Variants in IRS1 observed in about 807,000 individuals in gnomAD.
IRS1 encodes insulin receptor substrate 1.
In IRS1, 34 loss-of-function variants were observed where a neutral mutation model predicts 65.6. The observed-to-expected ratio is 0.52, with a 90% confidence interval of 0.39 to 0.69. The LOEUF is 0.69. IRS1 is among the 30% of genes least tolerant of loss of function. IRS1 has a pLI of 0.00. For missense variants in IRS1, 1,641 were observed against 1,720.2 expected (o/e 0.95, Z 0.81); for synonymous variants, 699 against 683.5 (o/e 1.02, Z -0.35).
chr2:226,747,089 C>T (rs140871781), intron 1 of IRS1, among the ~76,000 whole-genome samples: 355 of 152,142 alleles, frequency 2.3e-3, no homozygotes, highest in African/African-American at 8.3e-3. Context: ...CATGCCCAGC[C>T]CTAACAGCAT....
chr2:226,742,734 C>T (rs1174160729), intron 1 of IRS1, among the ~76,000 whole-genome samples: 1 of 139,338 alleles, frequency 7.2e-6, no homozygotes, highest in Admixed American at 7.7e-5. Context: ...AAAAGAAGAC[C>T]GAAAGGCGAC....
chr2:226,797,683 G>T lies in IRS1; in HGVS notation c.1056C>A (p.Asn352Lys). 1.3e-6 allele frequency: 2 copies of T among 1,597,616 alleles called. No individual in the cohort carries two copies. Among genetic ancestry groups the T allele is most frequent in the East Asian group, 2.2e-5 (1 of 44,836 alleles). ...VDGSPVSPSTNRTHAHRHRGS... is the reference protein window; with the variant it reads ...VDGSPVSPSTKRTHAHRHRGS... ...CCCGATGCCGGTGGGCGTGGGTTCT[G>T]TTGGTGCTGGGACTCACAGGGCTGC... Residue 352 changes from asparagine to lysine, a missense_variant, in exon 1 of 2, where the codon AAC (asparagine) becomes AAA (lysine). Asn to Lys is a moderately conservative substitution (Grantham distance 94). This residue lies in a region of IRS1 where 1,324 missense variants were observed against 1,361.0 expected (regional missense o/e 0.97). Coordinates refer to ENST00000305123, the MANE Select transcript of IRS1 (RefSeq NM_005544.3). The surrounding 1 kb of genome is among the most constrained non-coding windows in gnomAD (Gnocchi z 8.1).
intron 1 of IRS1, among the ~76,000 whole-genome samples, chr2:226,739,348 GTCCT>G (rs1216622117): frequency 6.6e-6 from 1 of 152,174 alleles, no homozygotes; most frequent in Non-Finnish European, 1.5e-5. Context: ...AGTGAGAACT[GTCCT>G]TCACAACAGC....
Position 226,799,099 on chromosome 2 carries a change from GGGA to G in IRS1, c.-364_-362del, listed in dbSNP as rs1559160662. 9 of 1,205,968 alleles carry G rather than the reference GGGA, an allele frequency of 7.5e-6. No individual in the cohort carries two copies. The allele number at this position is 1,205,968 out of a possible 1,614,324, so 74.7% of individuals were successfully genotyped here. ...GTCGCCCCGGCTGGAGTCCGGCACA[GGGA>G]GGCGACAGTCGGGGGTCCCTGCGGT... On this transcript the variant is annotated 5_prime_UTR_variant, in exon 1 of 2. Coordinates refer to ENST00000305123, the MANE Select transcript of IRS1 (RefSeq NM_005544.3). This position sits in a 1 kb window ranked among gnomAD's most constrained non-coding sequence, Gnocchi z 6.1.
At chr2:226,791,377 G>A (rs367650127) in intron 1 of IRS1, among the ~76,000 whole-genome samples, 1 of 152,156 alleles carries the variant, frequency 6.6e-6, no homozygotes, top group African/African-American at 2.4e-5. Flanking sequence ...AGAGAGAAGG[G>A]AAACAAAATG....
At chr2:226,791,191 T>C (rs1417572529) in intron 1 of IRS1, among the ~76,000 whole-genome samples, 1 of 151,944 alleles carries the variant, frequency 6.6e-6, no homozygotes, top group Non-Finnish European at 1.5e-5. Flanking sequence ...CCCAAAACGA[T>C]GGCATCCGCA....
rs145704301 is a variant in IRS1, at chr2:226,797,674, G to T, written c.1065C>A (p.His355Gln). The change falls in exon 1 of 2, where the codon CAC becomes CAA. Residue 355 changes from histidine to glutamine, a missense_variant. By Grantham distance (24) the His-to-Gln change is conservative. Transcript: ENST00000305123. This position sits in a 1 kb window ranked among gnomAD's most constrained non-coding sequence, Gnocchi z 8.1. ...SPVSPSTNRT[H>Q]AHRHRGSARL... ...GGGCGCTGCCCCGATGCCGGTGGGC[G>T]TGGGTTCTGTTGGTGCTGGGACTCA... The T allele has an allele frequency of 5.6e-6, 9 of 1,596,852 alleles. No homozygotes were observed. In the East Asian group the frequency reaches 1.8e-4, roughly 32 times the overall value.
intron 1 of IRS1, among the ~76,000 whole-genome samples, chr2:226,781,865 T>TACACAC (rs34695433): frequency 0.036 from 4,797 of 131,520 alleles, 114 homozygotes; most frequent in African/African-American, 0.063. Flanking sequence ...CACCCCTAAA[T>TACACAC]ACACACACAC....
intron 1 of IRS1, among the ~76,000 whole-genome samples, chr2:226,747,072 G>A (rs536536547): frequency 2.6e-5 from 4 of 152,198 alleles, no homozygotes; most frequent in South Asian, 2.1e-4. Context: ...TTGCAGGTGT[G>A]AGCCATCATG....
Position 226,799,764 on chromosome 2 carries a change from A to G in IRS1, c.-1026T>C, listed in dbSNP as rs1939855072. 1 of 996,838 alleles carries G rather than the reference A, an allele frequency of 1.0e-6. No homozygotes were observed. The allele number at this position is 996,838 out of a possible 1,614,324, so 61.7% of individuals were successfully genotyped here. ...CCCCCTCCGACCGCGCCGCCGTCTC[A>G]CTCGGAGGAGAAAAACACGTGACGG... On this transcript the variant is annotated 5_prime_UTR_variant, in exon 1 of 2. Transcript: ENST00000305123. This position sits in a 1 kb window ranked among gnomAD's most constrained non-coding sequence, Gnocchi z 6.1.
At chr2:226,765,444 G>T (rs1939013694) in intron 1 of IRS1, among the ~76,000 whole-genome samples, 1 of 152,142 alleles carries the variant, frequency 6.6e-6, no homozygotes, top group Non-Finnish European at 1.5e-5. Context: ...TCCTGGACTG[G>T]TCCACATAAG....
chr2:226,786,382 A>G (rs1006962969), intron 1 of IRS1, among the ~76,000 whole-genome samples: 1 of 152,140 alleles, frequency 6.6e-6, no homozygotes, highest in Non-Finnish European at 1.5e-5. Context: ...AACAACAACA[A>G]CAAAAGAGAA....
intron 1 of IRS1, among the ~76,000 whole-genome samples, chr2:226,783,719 C>T (rs1043646989): frequency 6.6e-6 from 1 of 151,490 alleles, no homozygotes; most frequent in Non-Finnish European, 1.5e-5. Context: ...ATTTAGTATA[C>T]TATGGTATCA....
chr2:226,744,177 C>T (rs1938494069), intron 1 of IRS1, among the ~76,000 whole-genome samples: 1 of 152,196 alleles, frequency 6.6e-6, no homozygotes, highest in Non-Finnish European at 1.5e-5. Context: ...CTTTTGGCAG[C>T]TGGAGAAGTG....
rs1939823094 is a variant in IRS1, at chr2:226,798,847, C to G, written c.-109G>C. The G allele has an allele frequency of 3.9e-6, 6 of 1,537,966 alleles. No homozygotes were observed. The highest frequency in any genetic ancestry group is 5.3e-6 in the Non-Finnish European group (6 of 1,141,324). ...CGGCACATGCAAACAGGGCTGGAGG[C>G]AGCAGAAACCCCGACTCTGAAATCC... On this transcript the variant is annotated 5_prime_UTR_variant, in exon 1 of 2. Transcript: ENST00000305123. The surrounding 1 kb of genome is among the most constrained non-coding windows in gnomAD (Gnocchi z 9.4).
chr2:226,761,538 C>T (rs1231094573), intron 1 of IRS1, among the ~76,000 whole-genome samples: 5 of 152,062 alleles, frequency 3.3e-5, no homozygotes, highest in Non-Finnish European at 5.9e-5. Context: ...TCTTTCTGGC[C>T]CCCTTCTCCA....
intron 1 of IRS1, among the ~76,000 whole-genome samples, chr2:226,780,528 A>G (rs1470650116): frequency 6.6e-6 from 1 of 152,222 alleles, no homozygotes; most frequent in African/African-American, 2.4e-5. Flanking sequence ...TATGACCTAG[A>G]TCAGTAAGCT....
intron 1 of IRS1, among the ~76,000 whole-genome samples, chr2:226,741,916 A>G (rs537736771): frequency 6.6e-6 from 1 of 152,188 alleles, no homozygotes; most frequent in South Asian, 2.1e-4. Flanking sequence ...TCATACCTCC[A>G]TAAAATCCCA....
rs927677878 is a variant in IRS1, at chr2:226,736,007, G to A, written c.*265C>T. The stretch of plus-strand genomic sequence containing the variant: ...CTAAGTCCTTAAGGTTGAAGATGAA[G>A]TTTATGCAGACTCATTATTCTGGTG... On this transcript the variant is annotated 3_prime_UTR_variant, in exon 2 of 2. Coordinates refer to ENST00000305123, the MANE Select transcript of IRS1 (RefSeq NM_005544.3). The A allele has an allele frequency of 6.6e-6, 1 of 152,300 alleles. No homozygotes were observed. Among genetic ancestry groups the A allele is most frequent in the African/African-American group, 2.4e-5 (1 of 41,276 alleles). The allele number at this position is 152,300 out of a possible 1,614,324, so 9.4% of individuals were successfully genotyped here.
Sources: gnomAD v4.1 joint callset for allele counts (sites outside exome capture counted in the v4.1 genomes callset) on GRCh38, gnomAD v4.1.1 for gene constraint, gnomAD v4.1.1 regional missense constraint, Gnocchi (gnomAD v3.1) non-coding constraint, MANE v1.5 for transcripts, NCBI Gene and HGNC (gene_info 2026-07-23, HGNC 2026-07-21) for gene names.